The following RCOR3 variants were observed in gnomAD, a reference collection of about 807,000 sequenced individuals.
The protein encoded by RCOR3 is REST corepressor 3.
In RCOR3, 13 loss-of-function variants were observed where a neutral mutation model predicts 64.1. The observed-to-expected ratio is 0.20, with a 90% CI of 0.13 to 0.32. The LOEUF (loss-of-function observed/expected upper bound fraction) is 0.32. Ranked by LOEUF, RCOR3 falls within the 10% of genes least tolerant of loss-of-function variation. RCOR3 has a pLI of 1.00. For missense variants in RCOR3, 489 were observed against 701.2 expected (o/e 0.70, Z 3.42); for synonymous variants, 215 against 239.0 (o/e 0.90, Z 0.93).
chr1:211,299,628 A>G (rs1355871854), intron 9 of RCOR3, among the ~76,000 whole-genome samples: 1 of 149,710 alleles, frequency 6.7e-6, no homozygotes, highest in Non-Finnish European at 1.5e-5. Flanking sequence ...AGATGTGAAA[A>G]CAATTTAGCG....
intron 9 of RCOR3, among the ~76,000 whole-genome samples, chr1:211,300,575 A>G (rs1700276602): frequency 6.6e-6 from 1 of 152,174 alleles, no homozygotes; most frequent in Non-Finnish European, 1.5e-5. Context: ...TGTCTTCTAT[A>G]CATGTAGGCA....
chr1:211,268,596 C>T (rs905213667), intron 2 of RCOR3, among the ~76,000 whole-genome samples: 6 of 151,900 alleles, frequency 3.9e-5, no homozygotes, highest in Non-Finnish European at 5.9e-5. Context: ...ATGCTGGTCT[C>T]GAACTCCCGA....
Position 211,289,158 on chromosome 1 carries a change from T to C in RCOR3, c.721-20T>C. The C allele has an allele frequency of 6.3e-7, 1 of 1,587,984 alleles. No individual in the cohort carries two copies. Among genetic ancestry groups the C allele is most frequent in the South Asian group, 1.1e-5 (1 of 90,562 alleles). ...TTTGTGAAAACCAAGTGACCTGTTA[T>C]TCTGCTTTTATTCTCTTAGGGTAAT... On this transcript the variant is annotated intron_variant, in intron 7 of 11. Transcript: ENST00000419091.
chr1:211,300,037 A>T (rs944837047), intron 9 of RCOR3, among the ~76,000 whole-genome samples: 1 of 148,376 alleles, frequency 6.7e-6, no homozygotes, highest in East Asian at 2.0e-4. Context: ...TACAGTTTCA[A>T]CCGTCCCCTC....
At chr1:211,310,126 G>GTAA (rs1701332698) in intron 10 of RCOR3, among the ~76,000 whole-genome samples, 1 of 152,148 alleles carries the variant, frequency 6.6e-6, no homozygotes, top group African/African-American at 2.4e-5. Flanking sequence ...CAGCATTGTA[G>GTAA]TAATGCTAGT....
In RCOR3 at chr1:211,259,459, C is replaced by G; in HGVS notation, c.-102C>G. On this transcript the variant is annotated 5_prime_UTR_variant, in exon 1 of 12. Coordinates refer to ENST00000419091, the MANE Select transcript of RCOR3 (RefSeq NM_001136223.3). ...TCCTCCTCCGCCGCCGCCGCCGTCT[C>G]CTCCTCCTCCTCCTTTCCCTCCCGC... 1.6e-5 allele frequency: 15 copies of G among 936,576 alleles called. No individual in the cohort carries two copies. The highest frequency in any genetic ancestry group is 2.3e-5 in the Non-Finnish European group (15 of 658,626). 58.0% of individuals were successfully genotyped at this position (936,576 alleles called of 1,614,324 possible).
intron 8 of RCOR3, 91 bp downstream of exon 8, chr1:211,289,487 A>T (rs567308016): frequency 9.5e-7 from 1 of 1,049,862 alleles, no homozygotes; most frequent in East Asian, 2.6e-5. Context: ...TTGTTTGCAG[A>T]TTTTTCTCAG....
rs1285843238 is a variant in RCOR3, at chr1:211,312,522, C to T, written c.1076-198C>T. On this transcript the variant is annotated intron_variant, in intron 10 of 11. Transcript: ENST00000419091. The surrounding 1 kb of genome is among the most constrained non-coding windows in gnomAD (Gnocchi z 5.0). ...TGATTGTTCAGTTGAAGGCAAGTGGCTGGCTCGATGAAATGACATAACTGA... is the reference window on the plus strand; with the variant it reads ...TGATTGTTCAGTTGAAGGCAAGTGGTTGGCTCGATGAAATGACATAACTGA... The T allele has an allele frequency of 2.0e-5, 13 of 642,646 alleles. No individual in the cohort carries two copies. The highest frequency in any genetic ancestry group is 2.8e-5 in the Non-Finnish European group (10 of 351,414). The allele number at this position is 642,646 out of a possible 1,614,324, so 39.8% of individuals were successfully genotyped here.
chr1:211,271,376 C>G lies in RCOR3; in HGVS notation c.301+67C>G, dbSNP rs116495142. 6 of 1,314,356 alleles carry G rather than the reference C, an allele frequency of 4.6e-6. No homozygotes were observed. In the South Asian group the frequency reaches 4.9e-5, roughly 11 times the overall value. 81.4% of individuals were successfully genotyped at this position (1,314,356 alleles called of 1,614,324 possible). On this transcript the variant is annotated intron_variant, in intron 3 of 11. Coordinates refer to ENST00000419091, the MANE Select transcript of RCOR3 (RefSeq NM_001136223.3). ...ATCAGCCAATTCAAAATATGACTTA[C>G]GTTTGTTTTTGGGTCTTATAGATTC... is the stretch of plus-strand genomic sequence containing the variant.
chr1:211,293,562 C>T (rs1207028453), intron 8 of RCOR3, among the ~76,000 whole-genome samples: 2 of 152,232 alleles, frequency 1.3e-5, no homozygotes, highest in Non-Finnish European at 2.9e-5. Context: ...TCCCCACCAC[C>T]TGTTCATCAA....
At chr1:211,285,301 T>G (rs554205704) in intron 7 of RCOR3, among the ~76,000 whole-genome samples, 1 of 152,338 alleles carries the variant, frequency 6.6e-6, no homozygotes, top group Admixed American at 6.5e-5. Flanking sequence ...TTATTAAAGG[T>G]TTTTGACTCA....
chr1:211,270,957 C>T (rs1325893933), intron 2 of RCOR3, among the ~76,000 whole-genome samples: 1 of 151,992 alleles, frequency 6.6e-6, no homozygotes, highest in Non-Finnish European at 1.5e-5. Flanking sequence ...CGGGTTCACG[C>T]CATTCTCTTG....
chr1:211,280,991 A>G (rs2102523503), intron 7 of RCOR3, among the ~76,000 whole-genome samples: 1 of 150,910 alleles, frequency 6.6e-6, no homozygotes, highest in South Asian at 2.2e-4. Context: ...TCTCAAAAAA[A>G]AAAAAAAAAA....
rs1422790092 is a variant in RCOR3 at position 211,312,317 on chromosome 1, A to G, written c.1076-403A>G. On this transcript the variant is annotated intron_variant, in intron 10 of 11. Transcript: ENST00000419091. This position sits in a 1 kb window ranked among gnomAD's most constrained non-coding sequence, Gnocchi z 5.0. ...GGGATAAGAGAGATGGCTCATTCCC[A>G]TCCAGTTTTGTTTACAAACGATGTT... is the stretch of plus-strand genomic sequence containing the variant. 2.2e-6 allele frequency: 1 copy of G among 458,414 alleles called. No homozygotes were observed. The highest frequency in any genetic ancestry group is 6.9e-5 in the East Asian group (1 of 14,494). The allele number at this position is 458,414 out of a possible 1,614,324, so 28.4% of individuals were successfully genotyped here. A position where few individuals can be genotyped will look rare whatever the true frequency, so the allele number is the denominator to read the frequency against.
At chr1:211,283,714 A>T (rs1225552532) in intron 7 of RCOR3, among the ~76,000 whole-genome samples, 3 of 152,058 alleles carry the variant, frequency 2.0e-5, no homozygotes, top group African/African-American at 7.2e-5. Flanking sequence ...GTGTGATCAT[A>T]GCCACTGCAG....
At position 211,277,005 on chromosome 1, in the gene RCOR3, G is replaced by GA. The variant is rs527307834; in HGVS notation, c.516+589dup. Among the ~76,000 whole-genome samples, 890 of 151,250 alleles carry GA rather than the reference G, an allele frequency of 5.9e-3. 16 individuals carry two copies. In the South Asian group the frequency reaches 0.07, roughly 12 times the overall value. On this transcript the variant is annotated intron_variant, in intron 5 of 11. Coordinates refer to ENST00000419091, the MANE Select transcript of RCOR3 (RefSeq NM_001136223.3). ...GGAGGCTGAGGCAGAAGAATAGCTT[G>GA]AACCCGGGAGGCAGAGGTTGCAGTG...
chr1:211,298,371 T>A (rs1255423588), intron 9 of RCOR3, among the ~76,000 whole-genome samples: 2 of 152,082 alleles, frequency 1.3e-5, no homozygotes, highest in African/African-American at 2.4e-5. Context: ...ACCATAGAGG[T>A]CATTCCAGGC....
rs1184132424 is a variant in RCOR3 at position 211,315,003 on chromosome 1, AAAAC to A, written c.*1239_*1242del. ...AAATGCTGAGACCCCTTTTTATAGA[AAAAC>A]AAAAAGACATCAAGTCTTCTTAATT... On this transcript the variant is annotated 3_prime_UTR_variant, in exon 12 of 12. Transcript: ENST00000419091. 1 of 152,236 alleles carries A rather than the reference AAAAC, an allele frequency of 6.6e-6. No individual in the cohort carries two copies. The highest frequency in any genetic ancestry group is 2.4e-5 in the African/African-American group (1 of 41,466). The allele number at this position is 152,236 out of a possible 1,614,324, so 9.4% of individuals were successfully genotyped here.
chr1:211,277,729 G>C (rs1456776340), intron 5 of RCOR3, among the ~76,000 whole-genome samples: 1 of 152,100 alleles, frequency 6.6e-6, no homozygotes, highest in Non-Finnish European at 1.5e-5. Flanking sequence ...AAAATGTTCT[G>C]GAATTAGATA....
Sources: allele counts gnomAD v4.1 joint callset (sites outside exome capture counted in the v4.1 genomes callset), GRCh38; gene constraint gnomAD v4.1.1; non-coding constraint Gnocchi (gnomAD v3.1); transcripts MANE v1.5; gene names NCBI Gene and HGNC (gene_info 2026-07-23, HGNC 2026-07-21).